Variants in GPHN observed in about 807,000 individuals in gnomAD.
GPHN encodes the protein gephyrin.
Under a neutral mutation model 95.5 loss-of-function variants are expected in GPHN, and 17 were observed. That is an observed-to-expected ratio of 0.18 (90% CI 0.12 to 0.27). GPHN has a LOEUF of 0.27. GPHN is among the 10% of genes least tolerant of loss of function. GPHN has a pLI of 1.00. For missense variants in GPHN, 660 were observed against 978.1 expected, an observed-to-expected ratio of 0.67 and a Z score of 4.34; for synonymous variants, 320 against 322.5, an observed-to-expected ratio of 0.99 and a Z score of 0.08.
At chr14:67,303,959 G>T in the GPHN span, 1 of 196,786 alleles carries the variant, frequency 5.1e-6, no homozygotes, top group South Asian at 9.2e-5. Context: ...GTAGAGACAG[G>T]GTTTTGCCAT....
intron 9 of GPHN, chr14:66,969,642 A>G (rs1223982921): frequency 1.3e-5 from 2 of 152,214 alleles, no homozygotes; most frequent in East Asian, 1.9e-4. Flanking sequence ...TCTACTAAAA[A>G]TACAAAAAAT....
intron 1 of GPHN, among the ~76,000 whole-genome samples, chr14:66,560,625 C>CT (rs1307953596): frequency 4.6e-5 from 7 of 152,170 alleles, no homozygotes; most frequent in Admixed American, 6.5e-5. Context: ...TGCTTATCAG[C>CT]TTAAGGAGAT....
chr14:67,672,734 T>C, the GPHN span, among the ~76,000 whole-genome samples: 1 of 152,172 alleles, frequency 6.6e-6, no homozygotes, highest in Non-Finnish European at 1.5e-5. Flanking sequence ...TGAGCCACCG[T>C]ACCCTGCCTG....
At chr14:66,989,489 G>A (rs556284524) in intron 9 of GPHN, among the ~76,000 whole-genome samples, 1 of 151,620 alleles carries the variant, frequency 6.6e-6, no homozygotes, top group Non-Finnish European at 1.5e-5. Context: ...TAAAAATTAG[G>A]TTATCTCATG....
the GPHN span, among the ~76,000 whole-genome samples, chr14:67,442,829 G>A: frequency 6.6e-6 from 1 of 152,210 alleles, no homozygotes; most frequent in Non-Finnish European, 1.5e-5. Context: ...GTGACCTTAG[G>A]GAAAACAGGC....
the GPHN span, among the ~76,000 whole-genome samples, chr14:67,518,775 C>A: frequency 2.9e-3 from 438 of 152,242 alleles, 5 homozygotes; most frequent in African/African-American, 9.9e-3. Flanking sequence ...AGAATTGGTT[C>A]CCAGGGGCTG....
chr14:66,917,620 T>C (rs1039133596), intron 6 of GPHN, among the ~76,000 whole-genome samples: 1 of 152,228 alleles, frequency 6.6e-6, no homozygotes, highest in Non-Finnish European at 1.5e-5. Flanking sequence ...AGCAAGTTCC[T>C]CCTGCACAGT....
intron 8 of GPHN, among the ~76,000 whole-genome samples, chr14:66,940,251 TTTG>T (rs1289777914): frequency 2.6e-5 from 4 of 151,322 alleles, no homozygotes; most frequent in Admixed American, 6.6e-5. Context: ...AAGAAGGCGT[TTTG>T]TTGTTGTTTT....
the GPHN span, chr14:67,690,668 C>T: frequency 4.1e-5 from 20 of 486,664 alleles, no homozygotes; most frequent in Middle Eastern, 5.8e-4. Context: ...CAGCTCATTC[C>T]TACTTTGGTT....
the GPHN span, among the ~76,000 whole-genome samples, chr14:67,314,171 A>G: frequency 6.6e-6 from 1 of 151,422 alleles, no homozygotes; most frequent in Non-Finnish European, 1.5e-5. Flanking sequence ...GACAACAAGC[A>G]ATAGTTTAGG....
the GPHN span, among the ~76,000 whole-genome samples, chr14:67,407,165 G>A: frequency 9.2e-5 from 14 of 151,958 alleles, no homozygotes; most frequent in African/African-American, 3.1e-4. Flanking sequence ...ACTGTCGCCC[G>A]GGCTAGAGTG....
At chr14:67,708,664 C>T in the GPHN span, among the ~76,000 whole-genome samples, 3 of 152,048 alleles carry the variant, frequency 2.0e-5, no homozygotes, top group Admixed American at 1.3e-4. Flanking sequence ...ATACCAGTAA[C>T]ATATTTATAC....
chr14:67,500,672 T>C, the GPHN span, among the ~76,000 whole-genome samples: 2 of 149,836 alleles, frequency 1.3e-5, no homozygotes, highest in Admixed American at 6.7e-5. Flanking sequence ...CCCAGGTTCA[T>C]GCCATTCTCC....
chr14:67,572,366 C>T, the GPHN span: 2 of 1,173,080 alleles, frequency 1.7e-6, no homozygotes, highest in Admixed American at 2.5e-5. Context: ...GCAGTAGCTG[C>T]CTGAAGTGAG....
At chr14:67,730,171 CA>C in the GPHN span, among the ~76,000 whole-genome samples, 1 of 152,170 alleles carries the variant, frequency 6.6e-6, no homozygotes, top group Admixed American at 6.5e-5. Flanking sequence ...AATATTACCC[CA>C]AGTTTTCACA....
chr14:66,999,279 A>G (rs942019297), intron 9 of GPHN, among the ~76,000 whole-genome samples: 4 of 134,554 alleles, frequency 3.0e-5, no homozygotes, highest in Non-Finnish European at 5.2e-5. Context: ...CAAAACTTTA[A>G]TTAATACAAA....
chr14:67,733,828 C>T, the GPHN span: 254 of 1,612,906 alleles, frequency 1.6e-4, 1 homozygote, highest in South Asian at 2.6e-3. Flanking sequence ...CTGTGAGCTT[C>T]TAGGAATCCG....
At chr14:67,125,240 A>C (rs910240725) in intron 17 of GPHN, among the ~76,000 whole-genome samples, 2 of 152,150 alleles carry the variant, frequency 1.3e-5, no homozygotes, top group African/African-American at 4.8e-5. Context: ...GAAAGAATTT[A>C]TAATTGTTCT....
Position 66,866,950 on chromosome 14 carries a change from T to C in GPHN, c.295-12989T>C, listed in dbSNP as rs181523218. Among the ~76,000 whole-genome samples the C allele has an allele frequency of 1.3e-3, 196 of 152,192 alleles. 2 individuals carry two copies. The highest frequency in any genetic ancestry group is 1.2e-3 in the Non-Finnish European group (79 of 67,996). On this transcript the variant is annotated intron_variant, in intron 4 of 22. Coordinates refer to ENST00000478722, the MANE Select transcript of GPHN (RefSeq NM_020806.5). ...TCATTGAATGGAATGGAAAACAAAA[T>C]GCCTGCAGTATGTAAATTTGTACTC...
Sources: gnomAD v4.1 joint callset for allele counts (sites outside exome capture counted in the v4.1 genomes callset) on GRCh38, gnomAD v4.1.1 for gene constraint, MANE v1.5 for transcripts, NCBI Gene and HGNC (gene_info 2026-07-23, HGNC 2026-07-21) for gene names.